The following SORBS2 variants were observed in gnomAD, a reference collection of about 807,000 sequenced individuals.
The protein encoded by SORBS2 is sorbin and SH3 domain-containing protein 2.
A neutral mutation model predicts 97.7 loss-of-function variants in SORBS2; 46 were observed. The observed-to-expected ratio is 0.47, with a 90% CI of 0.37 to 0.60. The LOEUF (loss-of-function observed/expected upper bound fraction) is 0.60, where lower values mean the gene tolerates loss of function less well. SORBS2 is among the 20% of genes least tolerant of loss of function. The pLI, the probability that SORBS2 is intolerant of heterozygous loss-of-function variation, is 0.00. For missense variants in SORBS2, 1,316 were observed against 1,282.3 expected (o/e 1.03, Z -0.40); for synonymous variants, 476 against 473.4 (o/e 1.01, Z -0.07).
At chr4:185,935,746 C>A (rs1209244114) in intron 1 of SORBS2, among the ~76,000 whole-genome samples, 2 of 152,156 alleles carry the variant, frequency 1.3e-5, no homozygotes, top group African/African-American at 4.8e-5. Context: ...TCCACAGAGA[C>A]ACCAATAATC....
At chr4:185,626,790 C>T (rs369061646) in intron 6 of SORBS2, 42 bp downstream of exon 18, 354 of 1,599,374 alleles carry the variant, frequency 2.2e-4, no homozygotes, top group Non-Finnish European at 2.9e-4. Context: ...TAGGCTAAAA[C>T]GTAAACTAGT....
intron 2 of SORBS2, among the ~76,000 whole-genome samples, chr4:185,761,312 A>G (rs1206706603): frequency 3.3e-5 from 5 of 152,276 alleles, no homozygotes; most frequent in Non-Finnish European, 4.4e-5. Context: ...AGTCACATTC[A>G]ACTTCCATAG....
intron 1 of SORBS2, among the ~76,000 whole-genome samples, chr4:185,851,656 G>A (rs901265521): frequency 6.6e-6 from 1 of 152,140 alleles, no homozygotes; most frequent in Non-Finnish European, 1.5e-5. Context: ...GGGCTGGGAA[G>A]GCAGACCCAC....
At chr4:185,675,798 C>T (rs2097782131) in intron 4 of SORBS2, among the ~76,000 whole-genome samples, 1 of 152,244 alleles carries the variant, frequency 6.6e-6, no homozygotes, top group Non-Finnish European at 1.5e-5. Flanking sequence ...GAAGAAATTG[C>T]TCTACTGAAC....
intron 1 of SORBS2, among the ~76,000 whole-genome samples, chr4:185,797,203 C>T (rs935705674): frequency 2.6e-5 from 4 of 152,180 alleles, no homozygotes; most frequent in Non-Finnish European, 4.4e-5. Context: ...GTTTCAGATG[C>T]GTTCCAGACA....
intron 1 of SORBS2, among the ~76,000 whole-genome samples, chr4:185,780,007 A>ATTTTTTTTT: frequency 1.0e-5 from 1 of 98,086 alleles, no homozygotes; most frequent in Non-Finnish European, 1.9e-5. Context: ...GTAGAGTAAC[A>ATTTTTTTTT]TTTTTTTTTT....
chr4:185,624,417 AATCTAACT>A lies in SORBS2; in HGVS notation c.704_711del (p.Glu235ValfsTer3). The A allele has an allele frequency of 6.2e-7, 1 of 1,614,110 alleles. No homozygotes were observed. The highest frequency in any genetic ancestry group is 8.5e-7 in the Non-Finnish European group (1 of 1,180,014). The stretch of plus-strand genomic sequence containing the variant: ...AAGTGCTGTCTGTAAGTGCTACAGT[AATCTAACT>A]CACTGGAGGGGTTGCCGTTGAGCCC... On this transcript the variant is annotated frameshift_variant, in exon 7 of 15. Coordinates refer to ENST00000418609, the Ensembl canonical transcript of SORBS2. LOFTEE classifies it high-confidence loss of function.
intron 1 of SORBS2, among the ~76,000 whole-genome samples, chr4:185,873,112 C>T (rs556365011): frequency 2.0e-5 from 3 of 152,314 alleles, no homozygotes; most frequent in South Asian, 2.1e-4. Context: ...TACACAAAAA[C>T]GTGTTTTCCC....
In SORBS2 at chr4:185,928,715, A is replaced by T. The variant is rs368390303; in HGVS notation, c.-338+27481T>A. Among the ~76,000 whole-genome samples the T allele has an allele frequency of 1.8e-3, 267 of 151,912 alleles. 1 individual carries two copies. The highest frequency in any genetic ancestry group is 0.011 in the East Asian group (57 of 5,124). On this transcript the variant is annotated intron_variant, in intron 1 of 20. Transcript: ENST00000284776. ...CGCCTGCCACCACGCCTGGCTAATTATTTTGTATTTTTAGTAGAGACGGGG... is the reference window on the plus strand; with the variant it reads ...CGCCTGCCACCACGCCTGGCTAATTTTTTTGTATTTTTAGTAGAGACGGGG...
intron 12 of SORBS2, among the ~76,000 whole-genome samples, chr4:185,605,086 A>G (rs369096282): frequency 1.3e-5 from 2 of 152,208 alleles, no homozygotes; most frequent in East Asian, 3.9e-4. Flanking sequence ...GCAATGAATT[A>G]TCTATCTGTT....
intron 1 of SORBS2, among the ~76,000 whole-genome samples, chr4:185,851,514 T>C (rs1483769667): frequency 6.6e-6 from 1 of 152,170 alleles, no homozygotes; most frequent in Admixed American, 6.5e-5. Context: ...CACATATATA[T>C]ATATTACATC....
At chr4:185,730,338 A>G (rs1212664836) in intron 2 of SORBS2, among the ~76,000 whole-genome samples, 1 of 147,490 alleles carries the variant, frequency 6.8e-6, no homozygotes, top group Non-Finnish European at 1.5e-5. Context: ...TGGAAAAGAA[A>G]TATTCCTAAT....
chr4:185,656,765 C>T (rs2097413048), exon 1 of SORBS2: 1 of 1,515,408 alleles, frequency 6.6e-7, no homozygotes, highest in Admixed American at 2.1e-5. Flanking sequence ...CCGGAAGGGG[C>T]TGCCCAGATA....
chr4:185,857,514 C>T (rs1477469962), intron 1 of SORBS2, among the ~76,000 whole-genome samples: 1 of 152,146 alleles, frequency 6.6e-6, no homozygotes, highest in Non-Finnish European at 1.5e-5. Flanking sequence ...GAAATCAGTG[C>T]ACCCTGAAAA....
At chr4:185,617,525 TTATA>T (rs71593641) in intron 9 of SORBS2, among the ~76,000 whole-genome samples, 2 of 150,822 alleles carry the variant, frequency 1.3e-5, no homozygotes, top group African/African-American at 2.4e-5. Flanking sequence ...ATTTTGGTTA[TTATA>T]TATATATATA....
intron 1 of SORBS2, among the ~76,000 whole-genome samples, chr4:185,894,789 C>T (rs976687865): frequency 2.0e-5 from 3 of 152,184 alleles, no homozygotes; most frequent in Admixed American, 6.5e-5. Context: ...TGATGCAACC[C>T]ACTCCCTCAG....
At chr4:185,662,131 T>C (rs1325383617) in exon 5 of SORBS2, 1 of 1,614,052 alleles carries the variant, frequency 6.2e-7, no homozygotes, top group East Asian at 2.2e-5. Context: ...TGCATGACAA[T>C]GCTGGAGTTG....
At chr4:185,635,182 T>C (rs1295070836) in intron 4 of SORBS2, among the ~76,000 whole-genome samples, 173 bp downstream of exon 16, 1 of 152,194 alleles carries the variant, frequency 6.6e-6, no homozygotes, top group Non-Finnish European at 1.5e-5. Context: ...CCAACAACTC[T>C]GGTATAATTA....
intron 2 of SORBS2, among the ~76,000 whole-genome samples, chr4:185,759,054 T>G (rs2098847635): frequency 6.6e-6 from 1 of 152,204 alleles, no homozygotes; most frequent in African/African-American, 2.4e-5. Context: ...GGTTGTTCAC[T>G]GATGTGTCTC....
Sources: allele counts gnomAD v4.1 joint callset (sites outside exome capture counted in the v4.1 genomes callset), GRCh38; gene constraint gnomAD v4.1.1; transcripts MANE v1.5; gene names NCBI Gene and HGNC (gene_info 2026-07-23, HGNC 2026-07-21).